BRF1: variants seen among roughly 807,000 people sequenced by gnomAD.
The protein encoded by BRF1 is BRF1 general transcription factor IIIB subunit, also known as transcription factor IIIB 90 kDa subunit.
Under a neutral mutation model 81.7 loss-of-function variants are expected in BRF1, and 59 were observed. That is an observed-to-expected ratio of 0.72 (90% confidence interval 0.59 to 0.90). BRF1 has a LOEUF of 0.90. Among genes scored for constraint, BRF1 ranks in the 40% least tolerant of loss-of-function variants. BRF1 has a pLI of 0.00. For missense variants in BRF1, 1,050 were observed against 936.3 expected, an observed-to-expected ratio of 1.12 and a Z score of -1.58; for synonymous variants, 491 against 395.6, an observed-to-expected ratio of 1.24 and a Z score of -2.86.
chr14:105,293,034 T>C (rs2057586807), intron 1 of BRF1, among the ~76,000 whole-genome samples: 1 of 152,214 alleles, frequency 6.6e-6, no homozygotes, highest in Non-Finnish European at 1.5e-5. Context: ...CGGGACAGAA[T>C]TCACCCGTTT....
intron 2 of BRF1, among the ~76,000 whole-genome samples, chr14:105,275,304 C>T (rs961651410): frequency 6.6e-6 from 1 of 152,230 alleles, no homozygotes; most frequent in Non-Finnish European, 1.5e-5. Context: ...CCACCTTGAG[C>T]ACCTAAGGCC....
Position 105,217,757 on chromosome 14 carries a change from G to C in BRF1, c.1559C>G (p.Thr520Ser), listed in dbSNP as rs773655999. ...CATCTTCTCGATGGCCTCCCTGGCGGTACTGGCCTGAATTGGCTCCCGTCG... is the reference window on the plus strand; with the variant it reads ...CATCTTCTCGATGGCCTCCCTGGCGCTACTGGCCTGAATTGGCTCCCGTCG... ...CKRREPIQASTAREAIEKMLE... is the reference protein window; with the variant it reads ...CKRREPIQASSAREAIEKMLE... Residue 520 changes from threonine (T) to serine (S), a missense_variant, in exon 15 of 18, where the codon ACC (threonine) becomes AGC (serine). Around this residue, in one of 2 missense-constraint regions of BRF1, gnomAD observed 1,043 missense variants for 915.4 expected, o/e 1.14. Coordinates refer to ENST00000547530, the MANE Select transcript of BRF1 (RefSeq NM_001519.4). The C allele has an allele frequency of 1.9e-6, 3 of 1,613,276 alleles. No individual in the cohort carries two copies. The highest frequency in any genetic ancestry group is 2.5e-6 in the Non-Finnish European group (3 of 1,179,988).
chr14:105,241,155 C>T (rs1456367240), intron 6 of BRF1, 110 bp downstream of exon 6: 7 of 1,502,198 alleles, frequency 4.7e-6, no homozygotes, highest in Non-Finnish European at 6.2e-6. Flanking sequence ...CTGGAGGCAG[C>T]TCTCAGTGCT....
chr14:105,211,343 T>C, intron 16 of BRF1, 50 bp from the exon 17 acceptor site: 1 of 1,491,848 alleles, frequency 6.7e-7, no homozygotes, highest in Middle Eastern at 1.8e-4. Flanking sequence ...GCCCTGTGTA[T>C]CTCAACAGAC....
At chr14:105,248,554 G>C in intron 5 of BRF1, 1 of 845,970 alleles carries the variant, frequency 1.2e-6, no homozygotes, top group Non-Finnish European at 1.4e-6. Flanking sequence ...CACCGGCGCC[G>C]CGGCGGGTAC....
rs1271821384 is a variant in BRF1 at position 105,257,569 on chromosome 14, C to A, written c.440-1020G>T. Among the ~76,000 whole-genome samples, 3 of 152,178 alleles carry A rather than the reference C, an allele frequency of 2.0e-5. No homozygotes were observed. In the East Asian group the frequency reaches 5.8e-4, roughly 29 times the overall value. On this transcript the variant is annotated intron_variant, in intron 3 of 17. Transcript: ENST00000547530. ...GACGGCTGGGACGTGAGCGGTGAGG[C>A]CCGTGAACAAAGGTGCATCTGAAGG...
At chr14:105,307,396 T>A (rs2140663743) in intron 1 of BRF1, among the ~76,000 whole-genome samples, 1 of 152,238 alleles carries the variant, frequency 6.6e-6, no homozygotes, top group Admixed American at 6.5e-5. Flanking sequence ...TCAGCTTGCC[T>A]CCTCTGCCTT....
chr14:105,275,439 G>T (rs587684727), intron 2 of BRF1, among the ~76,000 whole-genome samples: 1 of 152,332 alleles, frequency 6.6e-6, no homozygotes, highest in South Asian at 2.1e-4. Context: ...GACAGAAAGG[G>T]CATCGTGCCA....
In BRF1 at chr14:105,241,270, C is replaced by G; in HGVS notation, c.689G>C (p.Gly230Ala). Residue 230 changes from glycine (G) to alanine (A), a missense_variant, in exon 6 of 18, where the codon GGA (glycine) becomes GCA (alanine). Gly to Ala is a moderately conservative substitution (Grantham distance 60). Transcript: ENST00000547530. ...HTGRRPSGLC[G>A]AALLVAARMH... Reference sequence around the variant, plus strand: ...GCAGGCAGGGCCCGCTGTACCTGCTCCGCAGAGGCCCGAGGGGCGCCGGCC... The same window carrying G: ...GCAGGCAGGGCCCGCTGTACCTGCTGCGCAGAGGCCCGAGGGGCGCCGGCC... 1.9e-6 allele frequency: 3 copies of G among 1,611,528 alleles called. No individual in the cohort carries two copies. The highest frequency in any genetic ancestry group is 1.7e-6 in the Non-Finnish European group (2 of 1,179,746).
chr14:105,221,035 C>A (rs1362628487), intron 11 of BRF1, among the ~76,000 whole-genome samples: 1 of 152,234 alleles, frequency 6.6e-6, no homozygotes, highest in South Asian at 2.1e-4. Context: ...GATAAACATT[C>A]GCCTGGCTCC....
chr14:105,221,365 G>C (rs144244673), intron 11 of BRF1, among the ~76,000 whole-genome samples: 3 of 152,344 alleles, frequency 2.0e-5, no homozygotes, highest in African/African-American at 4.8e-5. Flanking sequence ...ACAACTTGTG[G>C]GCTCCATTCT....
intron 5 of BRF1, chr14:105,249,551 A>G (rs1595383332): frequency 1.9e-6 from 3 of 1,593,130 alleles, no homozygotes; most frequent in Non-Finnish European, 2.6e-6. Flanking sequence ...GAAGGGAAGC[A>G]CACAGGAGCT....
intron 6 of BRF1, among the ~76,000 whole-genome samples, chr14:105,229,360 C>T (rs918547963): frequency 6.6e-6 from 1 of 152,314 alleles, no homozygotes; most frequent in East Asian, 1.9e-4. Flanking sequence ...ACATGGAGAT[C>T]ATGTGTGCAG....
intron 5 of BRF1, chr14:105,247,138 TG>T (rs2055176716): frequency 1.0e-6 from 1 of 985,374 alleles, no homozygotes; most frequent in South Asian, 4.7e-5. Context: ...TCTTTGCCAG[TG>T]GGGTCCCACA....
intron 2 of BRF1, among the ~76,000 whole-genome samples, chr14:105,281,433 T>C (rs1257101012): frequency 3.3e-5 from 4 of 121,904 alleles, no homozygotes; most frequent in Non-Finnish European, 5.1e-5. Flanking sequence ...GTGGAGGCCG[T>C]GTGATCCTGA....
chr14:105,288,892 C>T (rs1253758275), intron 1 of BRF1, among the ~76,000 whole-genome samples: 1 of 151,822 alleles, frequency 6.6e-6, no homozygotes, highest in Non-Finnish European at 1.5e-5. Context: ...AAAAAATTAG[C>T]TGGGTGTGGT....
intron 16 of BRF1, chr14:105,211,897 A>G: frequency 1.5e-6 from 1 of 645,828 alleles, no homozygotes; most frequent in East Asian, 2.8e-5. Flanking sequence ...GCAGGCACAC[A>G]ACGGTCCCCA....
At chr14:105,250,369 C>A in intron 5 of BRF1, 1 of 1,613,742 alleles carries the variant, frequency 6.2e-7, no homozygotes, top group Non-Finnish European at 8.5e-7. Flanking sequence ...AGGCTGAGTA[C>A]AGCGTGAAGA....
intron 16 of BRF1, 87 bp downstream of exon 16, chr14:105,212,026 C>A: frequency 6.4e-7 from 1 of 1,552,974 alleles, no homozygotes; most frequent in East Asian, 2.4e-5. Context: ...CCTGCTCTCC[C>A]TGTGGTCACA....
Sources: gnomAD v4.1 joint callset for allele counts (sites outside exome capture counted in the v4.1 genomes callset) on GRCh38, gnomAD v4.1.1 for gene constraint, gnomAD v4.1.1 regional missense constraint, MANE v1.5 for transcripts, NCBI Gene and HGNC (gene_info 2026-07-23, HGNC 2026-07-21) for gene names.